The following COL8A1 variants were observed in gnomAD, a reference collection of about 807,000 sequenced individuals.
COL8A1 encodes the protein collagen alpha-1(VIII) chain.
A neutral mutation model predicts 42.7 loss-of-function variants in COL8A1; 21 were observed. The observed-to-expected ratio is 0.49, with a 90% CI of 0.35 to 0.71. The LOEUF (loss-of-function observed/expected upper bound fraction) is 0.71, where lower values mean the gene tolerates loss of function less well. Ranked by LOEUF, COL8A1 falls within the 30% of genes least tolerant of loss-of-function variation. COL8A1 has a pLI of 0.01. For missense variants in COL8A1, 788 were observed against 962.4 expected (o/e 0.82, Z 2.40); for synonymous variants, 367 against 369.1 (o/e 0.99, Z 0.06).
chr3:99,696,352 G>C (rs140731163), intron 1 of COL8A1, among the ~76,000 whole-genome samples: 1 of 152,278 alleles, frequency 6.6e-6, no homozygotes, highest in East Asian at 1.9e-4. Flanking sequence ...AGATTAGCAG[G>C]ATTTAGAGCT....
chr3:99,790,396 A>G (rs1265109937), intron 2 of COL8A1, among the ~76,000 whole-genome samples: 1 of 152,208 alleles, frequency 6.6e-6, no homozygotes, highest in Non-Finnish European at 1.5e-5. Context: ...TGAAGACGGG[A>G]AAACAGGGCA....
At chr3:99,705,735 G>GAGA (rs1232198407) in intron 1 of COL8A1, among the ~76,000 whole-genome samples, 2 of 152,146 alleles carry the variant, frequency 1.3e-5, no homozygotes, top group Non-Finnish European at 2.9e-5. Context: ...AAGAAGCAGG[G>GAGA]AGACTTTGCT....
At chr3:99,723,283 G>C (rs779429358) in intron 1 of COL8A1, among the ~76,000 whole-genome samples, 16 of 152,056 alleles carry the variant, frequency 1.1e-4, no homozygotes, top group Non-Finnish European at 2.2e-4. Context: ...TTCTCTATCT[G>C]AATGTACTTA....
intron 1 of COL8A1, among the ~76,000 whole-genome samples, chr3:99,643,099 A>G (rs1163489264): frequency 6.6e-6 from 1 of 152,242 alleles, no homozygotes; most frequent in East Asian, 1.9e-4. Flanking sequence ...CAGGCCACCC[A>G]GATGAGTACA....
chr3:99,691,879 T>C (rs1169611544), intron 1 of COL8A1: 1 of 152,090 alleles, frequency 6.6e-6, no homozygotes, highest in African/African-American at 2.4e-5. Context: ...AAGAGAATGG[T>C]ACCAAAGGGA....
intron 2 of COL8A1, among the ~76,000 whole-genome samples, chr3:99,787,250 G>A (rs576718172): frequency 6.6e-6 from 1 of 152,266 alleles, no homozygotes; most frequent in African/African-American, 2.4e-5. Flanking sequence ...CAGGTCATAT[G>A]AGGAATCTGA....
intron 3 of COL8A1, among the ~76,000 whole-genome samples, chr3:99,793,012 C>T (rs1184716171): frequency 6.6e-6 from 1 of 152,072 alleles, no homozygotes; most frequent in Non-Finnish European, 1.5e-5. Flanking sequence ...AAAAACTTTG[C>T]CAGGCACAGG....
chr3:99,644,481 G>A (rs188758591), intron 1 of COL8A1, among the ~76,000 whole-genome samples: 8 of 152,294 alleles, frequency 5.3e-5, no homozygotes, highest in Admixed American at 2.6e-4. Flanking sequence ...TATTGTTTCT[G>A]TAAACAATTT....
intron 1 of COL8A1, among the ~76,000 whole-genome samples, chr3:99,692,205 T>A (rs1939241302): frequency 6.6e-6 from 1 of 152,146 alleles, no homozygotes; most frequent in Admixed American, 6.5e-5. Flanking sequence ...AGAAACTACA[T>A]ACATCCATGG....
Position 99,739,603 on chromosome 3 carries a change from G to A in COL8A1, c.-128-5294G>A, listed in dbSNP as rs189201271. ...ATCACATGGAAGCTGCCAAAGCTTG[G>A]GGTTTGCACCCTCTGAAGCCACGGC... On this transcript the variant is annotated intron_variant, in intron 1 of 3. Coordinates refer to ENST00000652472, the MANE Select transcript of COL8A1 (RefSeq NM_020351.4). Among the ~76,000 whole-genome samples the A allele has an allele frequency of 4.4e-3, 677 of 152,220 alleles. 6 individuals are homozygous for A. Among genetic ancestry groups the A allele is most frequent in the African/African-American group, 0.015 (634 of 41,548 alleles).
intron 1 of COL8A1, among the ~76,000 whole-genome samples, chr3:99,737,546 A>G (rs956189590): frequency 1.3e-5 from 2 of 151,970 alleles, no homozygotes; most frequent in African/African-American, 4.8e-5. Context: ...AGAATGTTGA[A>G]TATTGGCCCC....
chr3:99,703,403 T>A (rs1206773503), intron 1 of COL8A1: 1 of 152,132 alleles, frequency 6.6e-6, no homozygotes, highest in African/African-American at 2.4e-5. Context: ...CTATTAACCT[T>A]TACACTCTAC....
intron 2 of COL8A1, among the ~76,000 whole-genome samples, chr3:99,778,989 C>T (rs1941745094): frequency 6.6e-6 from 1 of 152,182 alleles, no homozygotes; most frequent in African/African-American, 2.4e-5. Context: ...CCTCCCCAAA[C>T]CAGCTTCTAG....
At chr3:99,666,184 C>T (rs1938363821) in intron 1 of COL8A1, among the ~76,000 whole-genome samples, 1 of 152,086 alleles carries the variant, frequency 6.6e-6, no homozygotes, top group Non-Finnish European at 1.5e-5. Context: ...TGCATGGCTT[C>T]CAAGGTGCTC....
chr3:99,743,683 C>A (rs1422095393), intron 1 of COL8A1, among the ~76,000 whole-genome samples: 3 of 152,294 alleles, frequency 2.0e-5, no homozygotes, highest in African/African-American at 7.2e-5. Context: ...TTCAAGTGCT[C>A]AGTAGCACAC....
chr3:99,692,333 A>G (rs1055728211), intron 1 of COL8A1, among the ~76,000 whole-genome samples: 2 of 152,262 alleles, frequency 1.3e-5, no homozygotes, highest in Non-Finnish European at 2.9e-5. Flanking sequence ...TCAAACAACC[A>G]CAGAAAAATG....
chr3:99,654,973 A>G (rs1937970300), intron 1 of COL8A1, among the ~76,000 whole-genome samples: 1 of 152,036 alleles, frequency 6.6e-6, no homozygotes, highest in South Asian at 2.1e-4. Flanking sequence ...CATTCATTCA[A>G]TAGTTATTGA....
At chr3:99,786,260 TC>T (rs1160084413) in intron 2 of COL8A1, among the ~76,000 whole-genome samples, 2 of 152,166 alleles carry the variant, frequency 1.3e-5, no homozygotes, top group Non-Finnish European at 2.9e-5. Context: ...AATGTTTATG[TC>T]CCCAAATTCA....
chr3:99,642,592 A>G (rs1937523151), intron 1 of COL8A1, among the ~76,000 whole-genome samples: 1 of 152,234 alleles, frequency 6.6e-6, no homozygotes, highest in African/African-American at 2.4e-5. Flanking sequence ...GCTCACTTCC[A>G]TCGTCCCTCC....
Sources: gnomAD v4.1 joint callset for allele counts (sites outside exome capture counted in the v4.1 genomes callset) on GRCh38, gnomAD v4.1.1 for gene constraint, MANE v1.5 for transcripts, NCBI Gene and HGNC (gene_info 2026-07-23, HGNC 2026-07-21) for gene names.